Variants in SMAD7 observed in about 807,000 individuals in gnomAD.
SMAD7 encodes SMAD family member 7.
A neutral mutation model predicts 38.7 loss-of-function variants in SMAD7; 8 were observed. That is an observed-to-expected ratio of 0.21 (90% confidence interval 0.12 to 0.37). The LOEUF (loss-of-function observed/expected upper bound fraction) is 0.37, where lower values mean the gene tolerates loss of function less well. Among genes scored for constraint, SMAD7 ranks in the 10% least tolerant of loss-of-function variants. The pLI, the probability that SMAD7 is intolerant of heterozygous loss-of-function variation, is 1.00. For synonymous variants in SMAD7, 327 were observed against 265.1 expected (o/e 1.23, Z -2.27); for missense variants, 477 against 577.9 (o/e 0.83, Z 1.79).
At chr18:48,947,580 T>C (rs1285840756) in intron 2 of SMAD7, among the ~76,000 whole-genome samples, 3 of 152,354 alleles carry the variant, frequency 2.0e-5, no homozygotes, top group Middle Eastern at 3.4e-3. Flanking sequence ...TATCTCCTAC[T>C]GTAAGAGGGA....
In SMAD7 at chr18:48,929,066, G is replaced by A. The variant is rs145340264; in HGVS notation, c.743-7156C>T. On this transcript the variant is annotated intron_variant, in intron 3 of 3. Transcript: ENST00000262158. ...CCTCAGAGGAAGGGTGGGGACTCCC[G>A]ACCCAGCCAACTCCATTCATAATAT... is the stretch of plus-strand genomic sequence containing the variant. Among the ~76,000 whole-genome samples, 1,040 of 149,364 alleles carry A rather than the reference G, an allele frequency of 7.0e-3. 10 individuals carry two copies. The highest frequency in any genetic ancestry group is 0.024 in the African/African-American group (971 of 40,218).
chr18:48,924,082 G>C (rs2069896679), intron 3 of SMAD7, among the ~76,000 whole-genome samples: 1 of 152,194 alleles, frequency 6.6e-6, no homozygotes, highest in African/African-American at 2.4e-5. Flanking sequence ...CCTCTTCCGG[G>C]AGGCACAGCA....
In SMAD7 at chr18:48,950,282, T is replaced by G. The variant is rs762468057; in HGVS notation, c.143A>C (p.His48Pro). The change falls in exon 1 of 4, where the codon CAT becomes CCT. Residue 48 changes from histidine (H) to proline (P), a missense_variant. By Grantham distance (77) the His-to-Pro change is moderately conservative. This residue lies in a region of SMAD7 where 376 missense variants were observed against 379.4 expected (regional missense o/e 0.99). Transcript: ENST00000262158. ...RGEGATDSRA[H>P]GAGGGGPGRA... is the part of the protein sequence containing the mutation. ...GCCCGGGCCGCCGCCACCGGCCCCA[T>G]GCGCTCGGCTGTCCGTCGCCCCTTC... The G allele has an allele frequency of 1.0e-5, 16 of 1,527,540 alleles. No individual in the cohort carries two copies. Among genetic ancestry groups the G allele is most frequent in the Non-Finnish European group, 1.3e-5 (15 of 1,139,258 alleles). 94.6% of individuals were successfully genotyped at this position (1,527,540 alleles called of 1,614,324 possible).
In SMAD7 at chr18:48,943,515, C is replaced by T. The variant is rs1240140188; in HGVS notation, c.668-960G>A. On this transcript the variant is annotated intron_variant, in intron 2 of 3. Transcript: ENST00000262158. Reference sequence around the variant, plus strand: ...TGTCCATGAACCACAACTCATTAGTCCCATGAAACACAAATACACAAGACC... The same window carrying T: ...TGTCCATGAACCACAACTCATTAGTTCCATGAAACACAAATACACAAGACC... Among the ~76,000 whole-genome samples the T allele has an allele frequency of 3.3e-5, 5 of 152,196 alleles. No individual in the cohort carries two copies. In the East Asian group the frequency reaches 9.6e-4, roughly 29 times the overall value.
At chr18:48,943,035 C>T (rs1340713222) in intron 2 of SMAD7, among the ~76,000 whole-genome samples, 3 of 152,192 alleles carry the variant, frequency 2.0e-5, no homozygotes, top group African/African-American at 7.2e-5. Context: ...GCTGCCGGGA[C>T]TTCTTTCCCC....
intron 3 of SMAD7, among the ~76,000 whole-genome samples, chr18:48,927,001 T>C (rs1243117190): frequency 2.0e-5 from 3 of 152,122 alleles, no homozygotes; most frequent in East Asian, 1.9e-4. Context: ...CTCCCCCAAA[T>C]AGAGACGCGT....
At chr18:48,939,367 G>A (rs117097312) in intron 3 of SMAD7, among the ~76,000 whole-genome samples, 7,672 of 148,776 alleles carry the variant, frequency 0.052, 335 homozygotes, top group East Asian at 0.21. Flanking sequence ...CAGGCCTGTC[G>A]TCTACCCACC....
At chr18:48,927,426 G>C (rs1027921657) in intron 3 of SMAD7, among the ~76,000 whole-genome samples, 1 of 151,996 alleles carries the variant, frequency 6.6e-6, no homozygotes, top group Non-Finnish European at 1.5e-5. Flanking sequence ...TCTGGTTCCC[G>C]GGCCCAGCAG....
At chr18:48,942,071 GT>G (rs2070146618) in intron 3 of SMAD7, among the ~76,000 whole-genome samples, 2 of 152,316 alleles carry the variant, frequency 1.3e-5, no homozygotes, top group South Asian at 4.1e-4. Context: ...TCTTCAACAA[GT>G]TCCCTAAAGG....
In SMAD7 at chr18:48,950,037, C is replaced by G; in HGVS notation, c.388G>C (p.Gly130Arg). Reference sequence around the variant, plus strand: ...GGGCCCAGCCTGCAGTCCAGGCGGCCGGGCAGCAGGAGGCACGCGGTGCGC... The same window carrying G: ...GGGCCCAGCCTGCAGTCCAGGCGGCGGGGCAGCAGGAGGCACGCGGTGCGC... ...GTRTACLLLP[G>R]RLDCRLGPGA... Residue 130 changes from glycine (G) to arginine (R), a missense_variant, in exon 1 of 4, where the codon GGC (glycine) becomes CGC (arginine). Transcript: ENST00000262158. The G allele has an allele frequency of 6.9e-7, 1 of 1,447,596 alleles. No homozygotes were observed. The highest frequency in any genetic ancestry group is 9.1e-7 in the Non-Finnish European group (1 of 1,103,416). 89.7% of individuals were successfully genotyped at this position (1,447,596 alleles called of 1,614,324 possible).
chr18:48,933,927 G>A (rs2070033266), intron 3 of SMAD7, among the ~76,000 whole-genome samples: 1 of 152,218 alleles, frequency 6.6e-6, no homozygotes, highest in Non-Finnish European at 1.5e-5. Context: ...CTGGGAGGGT[G>A]GGGGTGAGCG....
At chr18:48,936,813 C>T (rs1298587061) in intron 3 of SMAD7, among the ~76,000 whole-genome samples, 2 of 152,196 alleles carry the variant, frequency 1.3e-5, no homozygotes, top group Non-Finnish European at 2.9e-5. Flanking sequence ...GGCGCAGTGG[C>T]TCATGCCTGG....
chr18:48,947,457 C>T (rs908444842), intron 2 of SMAD7, among the ~76,000 whole-genome samples: 1 of 152,210 alleles, frequency 6.6e-6, no homozygotes, highest in Admixed American at 6.5e-5. Flanking sequence ...TTTTCCTTCT[C>T]CCAGAACCTT....
At chr18:48,941,306 C>A (rs1475652932) in intron 3 of SMAD7, among the ~76,000 whole-genome samples, 1 of 152,186 alleles carries the variant, frequency 6.6e-6, no homozygotes, top group East Asian at 1.9e-4. Context: ...GTAAACAATA[C>A]CCTCAGTCTC....
intron 2 of SMAD7, among the ~76,000 whole-genome samples, chr18:48,943,016 T>G (rs1029434044): frequency 6.6e-6 from 1 of 152,222 alleles, no homozygotes; most frequent in Non-Finnish European, 1.5e-5. Flanking sequence ...TTCTCAAGAT[T>G]GATGTTGGGC....
At chr18:48,949,258 G>T in intron 1 of SMAD7, 1 of 984,320 alleles carries the variant, frequency 1.0e-6, no homozygotes, top group Non-Finnish European at 1.2e-6. Flanking sequence ...AACTCTCTTT[G>T]CCCCAAAACT....
At chr18:48,925,494 G>T (rs2069915646) in intron 3 of SMAD7, among the ~76,000 whole-genome samples, 1 of 152,176 alleles carries the variant, frequency 6.6e-6, no homozygotes, top group Non-Finnish European at 1.5e-5. Context: ...AGGGAAGGGG[G>T]AGGTGGGTGT....
rs2070257169 is a variant in SMAD7, at chr18:48,950,886, G to T, written c.-462C>A. Reference sequence around the variant, plus strand: ...GGGGGCAAAAAACGAAAGGCGTTCGGCTGGGCTGTTGGAAGAAGGAAAAAG... The same window carrying T: ...GGGGGCAAAAAACGAAAGGCGTTCGTCTGGGCTGTTGGAAGAAGGAAAAAG... On this transcript the variant is annotated 5_prime_UTR_variant, in exon 1 of 4. Transcript: ENST00000262158. Among the ~76,000 whole-genome samples, 1 of 151,616 alleles carries T rather than the reference G, an allele frequency of 6.6e-6. No individual in the cohort carries two copies. The highest frequency in any genetic ancestry group is 1.5e-5 in the Non-Finnish European group (1 of 67,894).
intron 2 of SMAD7, among the ~76,000 whole-genome samples, chr18:48,947,289 A>T (rs1034552045): frequency 2.0e-5 from 3 of 152,266 alleles, no homozygotes; most frequent in Non-Finnish European, 4.4e-5. Flanking sequence ...GACTGGCTGC[A>T]GAGTATGGGC....
Sources: gnomAD v4.1 joint callset for allele counts (sites outside exome capture counted in the v4.1 genomes callset) on GRCh38, gnomAD v4.1.1 for gene constraint, gnomAD v4.1.1 regional missense constraint, MANE v1.5 for transcripts, NCBI Gene and HGNC (gene_info 2026-07-23, HGNC 2026-07-21) for gene names.